Variants in PMF1 observed in about 807,000 individuals in gnomAD.
The protein encoded by PMF1 is polyamine-modulated factor 1.
PMF1 carries 21 observed loss-of-function variants against 26.7 expected under a neutral mutation model. That is an observed-to-expected ratio of 0.79 (90% CI 0.56 to 1.13). The LOEUF is 1.13. Ranked by LOEUF, PMF1 falls within the 50% of genes most tolerant of loss-of-function variation. The pLI is 0.00. For synonymous variants in PMF1, 105 were observed against 101.0 expected (o/e 1.04, Z -0.24); for missense variants, 266 against 254.9 (o/e 1.04, Z -0.30).
rs190114032 is a variant in PMF1, at chr1:156,214,193, C to T, written c.161+1017C>T. On this transcript the variant is annotated intron_variant, in intron 1 of 4. Coordinates refer to ENST00000368277, the MANE Select transcript of PMF1 (RefSeq NM_007221.4). ...CCTCCCAAAGTACCAGGATTACAGG[C>T]GTGAGCCACCGCGCCCGGCCTTCAC... is the stretch of plus-strand genomic sequence containing the variant. 4.6e-5 allele frequency among the ~76,000 whole-genome samples: 7 copies of T among 152,266 alleles called. No individual in the cohort carries two copies. In the East Asian group the frequency reaches 1.3e-3, roughly 29 times the overall value.
intron 4 of PMF1, among the ~76,000 whole-genome samples, chr1:156,237,446 C>T (rs76053099): frequency 3.2e-5 from 4 of 123,384 alleles, no homozygotes; most frequent in Non-Finnish European, 4.9e-5. Flanking sequence ...TATTTTTTGT[C>T]TTTTTTTTTT....
At chr1:156,233,482 A>G (rs1041848339) in intron 2 of PMF1, 146 bp from the exon 3 acceptor site, 1 of 745,270 alleles carries the variant, frequency 1.3e-6, no homozygotes, top group Non-Finnish European at 2.2e-6. Context: ...TAAAAGCCAC[A>G]TGTAGAAAAG....
chr1:156,229,381 G>T (rs577215400), intron 1 of PMF1, among the ~76,000 whole-genome samples: 1 of 151,632 alleles, frequency 6.6e-6, no homozygotes, highest in African/African-American at 2.4e-5. Flanking sequence ...AATTTCCAAG[G>T]TGTAGATACT....
intron 4 of PMF1, chr1:156,236,891 A>G (rs1659050996): frequency 5.0e-6 from 1 of 200,174 alleles, no homozygotes; most frequent in Non-Finnish European, 1.0e-5. Context: ...ATGGGAAGAG[A>G]ACAAGAACAG....
At chr1:156,214,667 T>C (rs1137703) in intron 1 of PMF1, among the ~76,000 whole-genome samples, 63,448 of 151,232 alleles carry the variant, frequency 0.42, 14,801 homozygotes, top group African/African-American at 0.63. Context: ...CATTTGAGCC[T>C]GGAAGTTTGA....
chr1:156,213,640 G>C (rs576317246), intron 1 of PMF1, among the ~76,000 whole-genome samples: 1 of 151,890 alleles, frequency 6.6e-6, no homozygotes, highest in East Asian at 2.0e-4. Context: ...ACAGATCAGG[G>C]TTTAAGTCGC....
chr1:156,224,502 C>T (rs558298328), intron 1 of PMF1, among the ~76,000 whole-genome samples: 7 of 152,174 alleles, frequency 4.6e-5, no homozygotes, highest in Non-Finnish European at 1.0e-4. Flanking sequence ...TCAGGCCGGG[C>T]GCAGTGGCTC....
At chr1:156,220,709 T>A (rs1214708139) in intron 1 of PMF1, 1 of 152,142 alleles carries the variant, frequency 6.6e-6, no homozygotes, top group African/African-American at 2.4e-5. Flanking sequence ...CAGACTGGAG[T>A]GCAGTGGCGT....
intron 1 of PMF1, among the ~76,000 whole-genome samples, chr1:156,217,758 C>T (rs1657856668): frequency 6.6e-6 from 1 of 151,966 alleles, no homozygotes; most frequent in Non-Finnish European, 1.5e-5. Context: ...ACTAACCATG[C>T]TCTAAAAGTG....
At chr1:156,218,244 T>A (rs1657888107) in intron 1 of PMF1, among the ~76,000 whole-genome samples, 1 of 152,226 alleles carries the variant, frequency 6.6e-6, no homozygotes, top group African/African-American at 2.4e-5. Flanking sequence ...CTTGTTGATT[T>A]GCTAGAGTTG....
intron 1 of PMF1, among the ~76,000 whole-genome samples, chr1:156,216,699 G>A (rs1197670045): frequency 6.6e-6 from 1 of 151,750 alleles, no homozygotes. Context: ...CTCCGCTGCG[G>A]GCGCCCGGGG....
chr1:156,225,578 CG>C (rs753461602), intron 1 of PMF1: 30 of 1,556,398 alleles, frequency 1.9e-5, no homozygotes, highest in Non-Finnish European at 2.4e-5. Context: ...TTCATTGGGA[CG>C]GAAGTGCTGG....
Position 156,233,714 on chromosome 1 carries a change from C to T in PMF1, c.354C>T (p.Arg118=), listed in dbSNP as rs146678769. 5.5e-4 allele frequency: 881 copies of T among 1,612,718 alleles called. No individual in the cohort carries two copies. The highest frequency in any genetic ancestry group is 7.2e-4 in the Non-Finnish European group (850 of 1,179,584). ...AAATTGTGGAAGAAGGCAAAGTCCG[C>T]AAAGAGCCAGCCTGGTGAGAGTGGG... ...LDKIVEEGKV[R]KEPAWRPSGI... Residue 118 remains arginine (R), a synonymous_variant, in exon 3 of 5, where the codon CGC becomes CGT. Transcript: ENST00000368277.
intron 4 of PMF1, among the ~76,000 whole-genome samples, chr1:156,239,324 G>T (rs1490323110): frequency 3.3e-5 from 5 of 152,210 alleles, no homozygotes; most frequent in African/African-American, 4.8e-5. Flanking sequence ...GGGATGCCCA[G>T]CCTAGGTGGT....
intron 3 of PMF1, among the ~76,000 whole-genome samples, chr1:156,234,205 C>A (rs1313573662): frequency 6.6e-6 from 1 of 152,180 alleles, no homozygotes; most frequent in East Asian, 1.9e-4. Context: ...TAAGCGAAAA[C>A]TGTTGTACCG....
chr1:156,216,605 T>C (rs1252062509), intron 1 of PMF1, among the ~76,000 whole-genome samples: 2 of 151,568 alleles, frequency 1.3e-5, no homozygotes, highest in Admixed American at 1.3e-4. Context: ...GCGTCCCGAC[T>C]CCCGGTGCCG....
At chr1:156,215,066 A>G (rs1458978030) in intron 1 of PMF1, among the ~76,000 whole-genome samples, 1 of 146,386 alleles carries the variant, frequency 6.8e-6, no homozygotes, top group African/African-American at 2.6e-5. Context: ...TTTAGTAGAG[A>G]CAGGGTTTCA....
chr1:156,217,246 GAA>G (rs11366613), intron 1 of PMF1, among the ~76,000 whole-genome samples: 5,676 of 138,134 alleles, frequency 0.041, 403 homozygotes, highest in African/African-American at 0.14. Flanking sequence ...AAAAAAAAAA[GAA>G]AAAAAAAAAA....
chr1:156,233,814 C>A, intron 3 of PMF1, 86 bp downstream of exon 3: 7 of 1,318,218 alleles, frequency 5.3e-6, no homozygotes, highest in Non-Finnish European at 6.3e-6. Context: ...CAGGGTCTCA[C>A]TATGTTGGCC....
Sources: gnomAD v4.1 joint callset for allele counts (sites outside exome capture counted in the v4.1 genomes callset) on GRCh38, gnomAD v4.1.1 for gene constraint, MANE v1.5 for transcripts, NCBI Gene and HGNC (gene_info 2026-07-23, HGNC 2026-07-21) for gene names.